CMC2: variants seen among roughly 807,000 people sequenced by gnomAD.
The protein encoded by CMC2 is C-X9-C motif containing 2.
In CMC2, 5 loss-of-function variants were observed where a neutral mutation model predicts 7.5. The ratio of observed to expected loss-of-function variants is 0.66; its 90% CI spans 0.35 to 1.40. The LOEUF (loss-of-function observed/expected upper bound fraction) is 1.40, where lower values mean the gene tolerates loss of function less well. CMC2 is among the 40% of genes most tolerant of loss of function. The pLI is 0.04. For missense variants in CMC2, 115 were observed against 92.3 expected, an observed-to-expected ratio of 1.25 and a Z score of -1.01; for synonymous variants, 37 against 31.4, an observed-to-expected ratio of 1.18 and a Z score of -0.60.
chr16:80,987,777 G>A (rs372364960), intron 2 of CMC2, among the ~76,000 whole-genome samples: 1 of 152,034 alleles, frequency 6.6e-6, no homozygotes, highest in African/African-American at 2.4e-5. Context: ...CACAGACAGG[G>A]GTATTCAGGA....
intron 3 of CMC2, 66 bp downstream of exon 3, chr16:80,981,740 T>C (rs1267899048): frequency 2.8e-5 from 29 of 1,026,502 alleles, no homozygotes; most frequent in East Asian, 5.0e-5. Flanking sequence ...ATGGCAGTAA[T>C]ACACAATATT....
Position 80,978,472 on chromosome 16 carries a change from C to G in CMC2, c.154-2293G>C, listed in dbSNP as rs1306713632. 3.3e-6 allele frequency: 3 copies of G among 919,118 alleles called. No individual in the cohort carries two copies. In the African/African-American group the frequency reaches 5.5e-5, roughly 17 times the overall value. 56.9% of individuals were successfully genotyped at this position (919,118 alleles called of 1,614,324 possible). On this transcript the variant is annotated intron_variant, in intron 3 of 3. Transcript: ENST00000219400. ...AAGTTACTCACAAAACTCAATCAAA[C>G]AATACAGACAGAATGAAAGGCCAAT...
At chr16:80,983,981 C>CAAA in intron 2 of CMC2, 1 of 116,088 alleles carries the variant, frequency 8.6e-6, no homozygotes, top group Non-Finnish European at 1.8e-5. Flanking sequence ...AACTCCATCT[C>CAAA]AAAAAAAAAA....
At chr16:80,981,771 G>A (rs774451974) in intron 3 of CMC2, 35 bp downstream of exon 3, 14 of 1,374,398 alleles carry the variant, frequency 1.0e-5, no homozygotes, top group Non-Finnish European at 1.4e-5. Flanking sequence ...CTGTTCTATT[G>A]TTCAACCATA....
chr16:80,989,795 A>G (rs563728139), intron 2 of CMC2, among the ~76,000 whole-genome samples: 1 of 152,266 alleles, frequency 6.6e-6, no homozygotes, highest in Admixed American at 6.5e-5. Context: ...TAGTCTTTCC[A>G]CTTCTATATT....
At chr16:80,987,933 T>C (rs958984024) in intron 2 of CMC2, among the ~76,000 whole-genome samples, 1 of 151,720 alleles carries the variant, frequency 6.6e-6, no homozygotes, top group Non-Finnish European at 1.5e-5. Context: ...CCCAGCACTT[T>C]GGGAGGCCAA....
At position 80,970,539 on chromosome 16, in the gene CMC2, G is replaced by A. The variant is rs1453493746; in HGVS notation, c.*5554C>T. The A allele has an allele frequency of 6.6e-6, 1 of 152,206 alleles. No individual in the cohort carries two copies. The highest frequency in any genetic ancestry group is 1.5e-5 in the Non-Finnish European group (1 of 68,034). The allele number at this position is 152,206 out of a possible 1,614,324, so 9.4% of individuals were successfully genotyped here. A position where few individuals can be genotyped will look rare whatever the true frequency, so the allele number is the denominator to read the frequency against. ...TAAGGATTTAACATCAGTCACAAGA[G>A]AAGTCTGATGTATCTATTAAACATT... On this transcript the variant is annotated 3_prime_UTR_variant, in exon 4 of 4. Coordinates refer to ENST00000219400, the MANE Select transcript of CMC2 (RefSeq NM_020188.5).
At chr16:80,997,149 TA>T in intron 2 of CMC2, 164 bp downstream of exon 2, 8 of 607,358 alleles carry the variant, frequency 1.3e-5, no homozygotes, top group East Asian at 5.6e-5. Context: ...GTAGTTTGTG[TA>T]AAAAAAAGAA....
intron 2 of CMC2, chr16:80,984,099 A>G (rs1312277833): frequency 1.3e-5 from 2 of 152,260 alleles, no homozygotes; most frequent in Non-Finnish European, 2.9e-5. Context: ...TTTAAAAAAT[A>G]AAATAACATC....
chr16:80,981,374 C>T (rs990845077), intron 3 of CMC2, among the ~76,000 whole-genome samples: 1 of 151,440 alleles, frequency 6.6e-6, no homozygotes, highest in Non-Finnish European at 1.5e-5. Flanking sequence ...CTTACACAAA[C>T]CATAACTACA....
chr16:80,991,536 G>A (rs1475798368), intron 2 of CMC2, among the ~76,000 whole-genome samples: 2 of 151,998 alleles, frequency 1.3e-5, no homozygotes, highest in Non-Finnish European at 2.9e-5. Flanking sequence ...AGCTACTCGG[G>A]AGGGTGAGAT....
intron 2 of CMC2, among the ~76,000 whole-genome samples, chr16:80,995,551 G>C (rs1020091023): frequency 5.9e-5 from 9 of 151,586 alleles, no homozygotes; most frequent in African/African-American, 2.2e-4. Context: ...CAGCTACTAG[G>C]CAAACTGAGA....
intron 2 of CMC2, among the ~76,000 whole-genome samples, chr16:80,984,797 C>G (rs1967397580): frequency 6.6e-6 from 1 of 152,150 alleles, no homozygotes; most frequent in African/African-American, 2.4e-5. Flanking sequence ...ATGACAAAAA[C>G]TAATTTATAT....
chr16:80,987,867 G>A (rs2167889), intron 2 of CMC2, among the ~76,000 whole-genome samples: 98,976 of 151,898 alleles, frequency 0.65, 33,993 homozygotes, highest in South Asian at 0.8. Flanking sequence ...TAATTCACTC[G>A]ATTTATTAAT....
chr16:81,005,652 C>T (rs753892540), intron 1 of CMC2, among the ~76,000 whole-genome samples: 3 of 152,108 alleles, frequency 2.0e-5, no homozygotes, highest in Non-Finnish European at 4.4e-5. Context: ...GACCCCATGC[C>T]AGGCTGCTTC....
At chr16:80,982,813 C>T (rs1967229858) in intron 2 of CMC2, 1 of 153,682 alleles carries the variant, frequency 6.5e-6, no homozygotes, top group African/African-American at 2.4e-5. Flanking sequence ...CCTGTGATAC[C>T]AATAACATAC....
Position 81,006,834 on chromosome 16 carries a change from C to A in CMC2, c.-136G>T. The A allele has an allele frequency of 1.0e-6, 1 of 985,624 alleles. No individual in the cohort carries two copies. The highest frequency in any genetic ancestry group is 1.2e-6 in the Non-Finnish European group (1 of 830,056). 61.1% of individuals were successfully genotyped at this position (985,624 alleles called of 1,614,324 possible). On this transcript the variant is annotated 5_prime_UTR_variant, in exon 1 of 4. Coordinates refer to ENST00000219400, the MANE Select transcript of CMC2 (RefSeq NM_020188.5). Reference sequence around the variant, plus strand: ...GGGAGCAGACAGCTGAACCGCTTGCCAGACGCCGAAACCCAGTGACGCCCT... The same window carrying A: ...GGGAGCAGACAGCTGAACCGCTTGCAAGACGCCGAAACCCAGTGACGCCCT...
At position 80,991,313 on chromosome 16, in the gene CMC2, GA is replaced by G. The variant is rs1369520491; in HGVS notation, c.81+6000del. On this transcript the variant is annotated intron_variant, in intron 2 of 3. Transcript: ENST00000219400. ...CAGTGACTTCCTTCCAAAGAGTTAT[GA>G]AAAGGGAGAAAAAGAGTAACTTCAA... is the stretch of plus-strand genomic sequence containing the variant. Among the ~76,000 whole-genome samples, 3 of 152,118 alleles carry G rather than the reference GA, an allele frequency of 2.0e-5. No individual in the cohort carries two copies. In the East Asian group the frequency reaches 5.8e-4, roughly 29 times the overall value.
In CMC2 at chr16:80,970,893, T is replaced by C. The variant is rs1458121269; in HGVS notation, c.*5200A>G. Reference sequence around the variant, plus strand: ...TAAAAATACCCCTTAGACACAAATCTAGCAAAAGATGTATAAGAACACTAT... The same window carrying C: ...TAAAAATACCCCTTAGACACAAATCCAGCAAAAGATGTATAAGAACACTAT... On this transcript the variant is annotated 3_prime_UTR_variant, in exon 4 of 4. Transcript: ENST00000219400. 1 of 152,190 alleles carries C rather than the reference T, an allele frequency of 6.6e-6. No individual in the cohort carries two copies. The highest frequency in any genetic ancestry group is 2.4e-5 in the African/African-American group (1 of 41,450). 9.4% of individuals were successfully genotyped at this position (152,190 alleles called of 1,614,324 possible). A position where few individuals can be genotyped will look rare whatever the true frequency, so the allele number is the denominator to read the frequency against.
Sources: gnomAD v4.1 joint callset for allele counts (sites outside exome capture counted in the v4.1 genomes callset) on GRCh38, gnomAD v4.1.1 for gene constraint, MANE v1.5 for transcripts, NCBI Gene and HGNC (gene_info 2026-07-23, HGNC 2026-07-21) for gene names.